Variants in GPC3 observed in about 807,000 individuals in gnomAD.
GPC3 encodes glypican 3.
Under a neutral mutation model 34.4 loss-of-function variants are expected in GPC3, and 3 were observed. The observed-to-expected ratio is 0.09, with a 90% confidence interval of 0.04 to 0.23. GPC3 has a LOEUF of 0.23. Among genes scored for constraint, GPC3 ranks in the 10% least tolerant of loss-of-function variants. The pLI is 1.00. For synonymous variants in GPC3, 177 were observed against 174.0 expected (o/e 1.02, Z -0.13); for missense variants, 351 against 445.6 (o/e 0.79, Z 1.91).
chrX:133,536,034 A>T lies in GPC3; in HGVS notation c.*90T>A. 1 of 741,364 alleles carries T rather than the reference A, an allele frequency of 1.3e-6. No homozygotes were observed. Among genetic ancestry groups the T allele is most frequent in the South Asian group, 2.4e-5 (1 of 42,165 alleles). 61.1% of individuals were successfully genotyped at this position (741,364 alleles called of 1,213,427 possible). Reference sequence around the variant, plus strand: ...GGAGGTATACAGGATAACAAAAAAAAAAAAATAGAAAAAAATAAGAAAGTG... The same window carrying T: ...GGAGGTATACAGGATAACAAAAAAATAAAAATAGAAAAAAATAAGAAAGTG... On this transcript the variant is annotated 3_prime_UTR_variant, in exon 8 of 8. Transcript: ENST00000370818.
rs138970008 is a variant in GPC3, at chrX:133,764,108, A to C, written c.338-9932T>G. Among the ~76,000 whole-genome samples, 867 of 112,046 alleles carry C rather than the reference A, an allele frequency of 7.7e-3. 4 individuals are homozygous for C. The highest frequency in any genetic ancestry group is 0.026 in the African/African-American group (809 of 30,789). ...CACAGCCATAGAAAAGAATGAAATC[A>C]TTTCCTTTGCAGCAACATGGATGCA... On this transcript the variant is annotated intron_variant, in intron 2 of 7. Coordinates refer to ENST00000370818, the MANE Select transcript of GPC3 (RefSeq NM_004484.4).
intron 6 of GPC3, among the ~76,000 whole-genome samples, chrX:133,648,001 G>A (rs908506381): frequency 1.8e-5 from 2 of 111,994 alleles, no homozygotes; most frequent in Non-Finnish European, 3.8e-5. Flanking sequence ...TTTCTACTGT[G>A]GGACCTGGAG....
intron 7 of GPC3, among the ~76,000 whole-genome samples, chrX:133,552,131 A>G (rs1191990764): frequency 2.7e-5 from 3 of 112,604 alleles, no homozygotes; most frequent in East Asian, 2.8e-4. Flanking sequence ...GAGGCAGTCT[A>G]TGAGAGTTTG....
At chrX:133,968,419 C>T (rs2076474230) in intron 1 of GPC3, among the ~76,000 whole-genome samples, 1 of 112,497 alleles carries the variant, frequency 8.9e-6, no homozygotes, top group South Asian at 3.7e-4. Context: ...TCATTAGGAA[C>T]ATGGCTCTGG....
chrX:133,559,800 T>C (rs2069526291), intron 7 of GPC3, among the ~76,000 whole-genome samples: 1 of 109,453 alleles, frequency 9.1e-6, no homozygotes. Context: ...AGAAAGCCAT[T>C]AACATTTCTG....
At chrX:133,756,458 G>A (rs1483381798) in intron 2 of GPC3, among the ~76,000 whole-genome samples, 1 of 112,089 alleles carries the variant, frequency 8.9e-6, no homozygotes. Flanking sequence ...ATGAAGAGAA[G>A]GGAAAAGACT....
At chrX:133,870,132 C>T (rs961089950) in intron 2 of GPC3, among the ~76,000 whole-genome samples, 12 of 111,720 alleles carry the variant, frequency 1.1e-4, no homozygotes, top group African/African-American at 1.6e-4. Context: ...TCTTTTGTTG[C>T]TGTTGTTAAT....
chrX:133,784,945 A>G (rs756215396), intron 2 of GPC3, among the ~76,000 whole-genome samples: 1 of 111,922 alleles, frequency 8.9e-6, no homozygotes, highest in Admixed American at 9.4e-5. Flanking sequence ...TATTCTGGAC[A>G]GTCACTTCTT....
At chrX:133,741,382 C>T (rs951461577) in intron 3 of GPC3, among the ~76,000 whole-genome samples, 29 of 110,683 alleles carry the variant, frequency 2.6e-4, no homozygotes, top group Non-Finnish European at 3.4e-4. Flanking sequence ...AGTTTCCATG[C>T]AATTCTCAAG....
chrX:133,811,224 ATC>A (rs1350304611), intron 2 of GPC3, among the ~76,000 whole-genome samples: 1 of 111,980 alleles, frequency 8.9e-6, no homozygotes, highest in Non-Finnish European at 1.9e-5. Flanking sequence ...AGTTAATTAC[ATC>A]TCTCTAGCTA....
chrX:133,968,638 GC>G (rs758506890), intron 1 of GPC3, among the ~76,000 whole-genome samples: 1 of 110,618 alleles, frequency 9.0e-6, no homozygotes, highest in African/African-American at 3.3e-5. Context: ...TATTAGCACC[GC>G]CCCCATCACA....
chrX:133,548,344 T>C (rs1315544363), intron 7 of GPC3, among the ~76,000 whole-genome samples: 2 of 111,789 alleles, frequency 1.8e-5, no homozygotes, highest in Non-Finnish European at 3.8e-5. Flanking sequence ...GTTTTAGATA[T>C]ACTTGGATGG....
chrX:133,637,602 A>G (rs2070441751), intron 6 of GPC3, among the ~76,000 whole-genome samples: 1 of 110,823 alleles, frequency 9.0e-6, no homozygotes, highest in Admixed American at 9.6e-5. Context: ...ATTGGGGACA[A>G]CATTAATTCA....
At chrX:133,838,993 T>C (rs2075811641) in intron 2 of GPC3, among the ~76,000 whole-genome samples, 1 of 110,982 alleles carries the variant, frequency 9.0e-6, no homozygotes, top group South Asian at 3.8e-4. Context: ...CAGGACAAAG[T>C]TCCAGCAGGA....
In GPC3 at chrX:133,826,190, G is replaced by T. The variant is rs573481117; in HGVS notation, c.338-72014C>A. On this transcript the variant is annotated intron_variant, in intron 2 of 7. Coordinates refer to ENST00000370818, the MANE Select transcript of GPC3 (RefSeq NM_004484.4). The stretch of plus-strand genomic sequence containing the variant: ...AAGGGAAAAGTAATCAATAGAAACT[G>T]TTCCTGAGTATGCACAGACATTAGA... 4.5e-5 allele frequency among the ~76,000 whole-genome samples: 5 copies of T among 111,764 alleles called. No homozygotes were observed. In the South Asian group the frequency reaches 1.9e-3, roughly 42 times the overall value.
intron 2 of GPC3, among the ~76,000 whole-genome samples, chrX:133,931,675 C>A (rs1199895483): frequency 1.8e-5 from 2 of 111,612 alleles, no homozygotes; most frequent in Non-Finnish European, 3.8e-5. Flanking sequence ...TAAATGGAAA[C>A]TCTCACTATT....
chrX:133,803,132 G>A (rs1331078967), intron 2 of GPC3, among the ~76,000 whole-genome samples: 1 of 110,615 alleles, frequency 9.0e-6, no homozygotes, highest in East Asian at 2.8e-4. Context: ...TCACCATGTT[G>A]GTCAGGGTGG....
At chrX:133,865,833 C>T (rs1468388473) in intron 2 of GPC3, among the ~76,000 whole-genome samples, 2 of 111,740 alleles carry the variant, frequency 1.8e-5, no homozygotes, top group East Asian at 5.6e-4. Context: ...CACTTCATGT[C>T]GACCAAGAAT....
intron 2 of GPC3, among the ~76,000 whole-genome samples, chrX:133,875,248 G>A (rs1231547409): frequency 6.2e-5 from 7 of 112,114 alleles, no homozygotes; most frequent in South Asian, 3.7e-4. Flanking sequence ...ACACAGAGAC[G>A]AAAGAGGAGG....
Sources: gnomAD v4.1 joint callset for allele counts (sites outside exome capture counted in the v4.1 genomes callset) on GRCh38, gnomAD v4.1.1 for gene constraint, MANE v1.5 for transcripts, NCBI Gene and HGNC (gene_info 2026-07-23, HGNC 2026-07-21) for gene names.